CTNNA1: variants seen among roughly 807,000 people sequenced by gnomAD.
CTNNA1 encodes catenin alpha 1, also known as catenin alpha-1.
Under a neutral mutation model 98.4 loss-of-function variants are expected in CTNNA1, and 37 were observed. The observed-to-expected ratio is 0.38, with a 90% CI of 0.29 to 0.49. The LOEUF (loss-of-function observed/expected upper bound fraction) is 0.49, where lower values mean the gene tolerates loss of function less well. CTNNA1 is among the 20% of genes least tolerant of loss of function. The probability of loss-of-function intolerance (pLI) is 0.95; values close to 1 mark genes in which losing one functional copy is unlikely to be tolerated. For synonymous variants in CTNNA1, 404 were observed against 413.2 expected (o/e 0.98, Z 0.27); for missense variants, 761 against 1,147.2 (o/e 0.66, Z 4.86).
At chr5:138,844,186 G>T (rs1762511211) in intron 7 of CTNNA1, among the ~76,000 whole-genome samples, 1 of 150,666 alleles carries the variant, frequency 6.6e-6, no homozygotes, top group Non-Finnish European at 1.5e-5. Flanking sequence ...AGTAGAGATG[G>T]GGTTTTGCTG....
chr5:138,783,400 G>A (rs774982810), intron 3 of CTNNA1, 28 bp downstream of exon 3: 3 of 1,579,300 alleles, frequency 1.9e-6, no homozygotes, highest in Non-Finnish European at 2.6e-6. Context: ...TTTAGGTAAA[G>A]AGAGGCAGGC....
chr5:138,933,754 G>A (rs781160033), intron 17 of CTNNA1, 48 bp from the exon 18 acceptor site: 2 of 1,588,638 alleles, frequency 1.3e-6, no homozygotes, highest in Non-Finnish European at 1.7e-6. Flanking sequence ...GTGTCCACGA[G>A]GCTGGAGGTC....
chr5:138,787,873 A>G (rs962451619), intron 3 of CTNNA1, among the ~76,000 whole-genome samples: 1 of 152,242 alleles, frequency 6.6e-6, no homozygotes, highest in Non-Finnish European at 1.5e-5. Flanking sequence ...ATTCACGTAC[A>G]TAAAAACAGG....
intron 10 of CTNNA1, among the ~76,000 whole-genome samples, chr5:138,907,973 T>G (rs1033034671): frequency 2.6e-5 from 4 of 151,920 alleles, no homozygotes; most frequent in Admixed American, 2.0e-4. Flanking sequence ...TCCGCCCTTT[T>G]TTTTTTCTTC....
chr5:138,849,834 T>A (rs1763033743), intron 7 of CTNNA1, among the ~76,000 whole-genome samples: 1 of 152,156 alleles, frequency 6.6e-6, no homozygotes, highest in Non-Finnish European at 1.5e-5. Flanking sequence ...TTTTTTTTTT[T>A]AATTCTTAAA....
intron 1 of CTNNA1, among the ~76,000 whole-genome samples, chr5:138,769,613 G>A (rs1753312088): frequency 6.6e-6 from 1 of 151,568 alleles, no homozygotes; most frequent in East Asian, 1.9e-4. Context: ...GCTCACCGCA[G>A]CCTCCGCCTT....
intron 7 of CTNNA1, among the ~76,000 whole-genome samples, chr5:138,867,747 CTTT>C (rs67829407): frequency 6.9e-6 from 1 of 144,120 alleles, no homozygotes; most frequent in African/African-American, 2.6e-5. Flanking sequence ...TTCTTTCTTT[CTTT>C]TTTTTTTTTT....
At position 138,808,530 on chromosome 5, in the gene CTNNA1, G is replaced by A. The variant is rs554826189; in HGVS notation, c.302-1508G>A. Among the ~76,000 whole-genome samples, 5 of 151,888 alleles carry A rather than the reference G, an allele frequency of 3.3e-5. No homozygotes were observed. In the East Asian group the frequency reaches 9.7e-4, roughly 30 times the overall value. On this transcript the variant is annotated intron_variant, in intron 3 of 17. Coordinates refer to ENST00000302763, the MANE Select transcript of CTNNA1 (RefSeq NM_001903.5). ...TTTTCTGGCCTGACAAATATGTGGA[G>A]CGTATCTTTACTCTTAGAATTATAC...
Position 138,874,946 on chromosome 5 carries a change from G to A in CTNNA1, c.1063-11266G>A, listed in dbSNP as rs751475574. ...CACATTGGAGGCTGCATTCAGTCGC[G>A]GTTGTTAGACTCAACGCAGTGAGTC... is the stretch of plus-strand genomic sequence containing the variant. On this transcript the variant is annotated intron_variant, in intron 7 of 17. Coordinates refer to ENST00000302763, the MANE Select transcript of CTNNA1 (RefSeq NM_001903.5). The surrounding 1 kb of genome is among the most constrained non-coding windows in gnomAD (Gnocchi z 4.1). The A allele has an allele frequency of 2.4e-5, 39 of 1,612,684 alleles. No homozygotes were observed. Among genetic ancestry groups the A allele is most frequent in the South Asian group, 9.9e-5 (9 of 91,054 alleles).
intron 7 of CTNNA1, among the ~76,000 whole-genome samples, chr5:138,836,763 A>T (rs1454073833): frequency 6.6e-6 from 1 of 152,230 alleles, no homozygotes; most frequent in Non-Finnish European, 1.5e-5. Context: ...TTAGCCATCA[A>T]GCAGGGTTGA....
rs386405098 is a variant in CTNNA1, at chr5:138,921,596, A to ATTTTTTTTTT, written c.1547-2900_1547-2891dup. 4.8e-5 allele frequency among the ~76,000 whole-genome samples: 5 copies of ATTTTTTTTTT among 104,038 alleles called. 1 individual carries two copies. The highest frequency in any genetic ancestry group is 2.0e-4 in the African/African-American group (5 of 24,472). 68.3% of individuals were successfully genotyped at this position (104,038 alleles called of 152,430 possible). On this transcript the variant is annotated intron_variant, in intron 11 of 17. Transcript: ENST00000302763. ...AAGTGGTGAAGTTAGATTAGTGGTGATTTTTTTTTTTTTTTTTTTTTTTGA... is the reference window on the plus strand; with the variant it reads ...AAGTGGTGAAGTTAGATTAGTGGTGATTTTTTTTTTTTTTTTTTTTTTTTTTTTTTTTTGA...
chr5:138,858,594 CTTTT>C (rs147487025), intron 7 of CTNNA1, among the ~76,000 whole-genome samples: 1 of 124,048 alleles, frequency 8.1e-6, no homozygotes, highest in East Asian at 2.2e-4. Context: ...TTTTCTTTTT[CTTTT>C]TTTTTTTTTT....
chr5:138,785,312 C>G (rs1183378418), intron 3 of CTNNA1, among the ~76,000 whole-genome samples: 1 of 151,898 alleles, frequency 6.6e-6, no homozygotes, highest in Non-Finnish European at 1.5e-5. Context: ...CCGCCCGCCT[C>G]GGCCTCCCAA....
At chr5:138,872,027 A>AGTGTGTGTGTGTGTGTGT (rs370259988) in intron 7 of CTNNA1, 6 of 133,066 alleles carry the variant, frequency 4.5e-5, no homozygotes, top group Non-Finnish European at 8.1e-5. Context: ...AGAGCGCGAG[A>AGTGTGTGTGTGTGTGTGT]GTGTGTGTGT....
intron 5 of CTNNA1, among the ~76,000 whole-genome samples, chr5:138,818,125 T>A (rs1240929935): frequency 1.3e-5 from 2 of 151,276 alleles, no homozygotes; most frequent in Non-Finnish European, 2.9e-5. Flanking sequence ...CCCCTTTTTT[T>A]TCCTTTTTCT....
intron 1 of CTNNA1, among the ~76,000 whole-genome samples, chr5:138,775,889 AT>A (rs1194163913): frequency 1.2e-4 from 18 of 145,954 alleles, no homozygotes; most frequent in African/African-American, 1.8e-4. Context: ...CACCTGGCTA[AT>A]TTTTTTTTTG....
intron 7 of CTNNA1, among the ~76,000 whole-genome samples, chr5:138,841,656 A>T (rs1762281455): frequency 6.6e-6 from 1 of 152,204 alleles, no homozygotes; most frequent in African/African-American, 2.4e-5. Context: ...GGCTTTTTGT[A>T]ATGTCATAAT....
chr5:138,775,492 T>G (rs1006526722), intron 1 of CTNNA1, among the ~76,000 whole-genome samples: 1 of 152,136 alleles, frequency 6.6e-6, no homozygotes, highest in East Asian at 1.9e-4. Flanking sequence ...GCAGGTTCCT[T>G]TTGGCACCCC....
intron 3 of CTNNA1, among the ~76,000 whole-genome samples, chr5:138,806,356 CTT>C (rs34857003): frequency 6.9e-6 from 1 of 145,752 alleles, no homozygotes; most frequent in African/African-American, 2.5e-5. Context: ...AGGGTCCTAA[CTT>C]TTTTTTTTTT....
Sources: allele counts gnomAD v4.1 joint callset (sites outside exome capture counted in the v4.1 genomes callset), GRCh38; gene constraint gnomAD v4.1.1; non-coding constraint Gnocchi (gnomAD v3.1); transcripts MANE v1.5; gene names NCBI Gene and HGNC (gene_info 2026-07-23, HGNC 2026-07-21).